NRG3: variants seen among roughly 807,000 people sequenced by gnomAD.
NRG3 encodes the protein neuregulin 3.
NRG3 carries 31 observed loss-of-function variants against 66.9 expected under a neutral mutation model. That is an observed-to-expected ratio of 0.46 (90% CI 0.35 to 0.63). The LOEUF is 0.63. Ranked by LOEUF, NRG3 falls within the 20% of genes least tolerant of loss-of-function variation. NRG3 has a pLI of 0.00. For synonymous variants in NRG3, 393 were observed against 359.4 expected, an observed-to-expected ratio of 1.09 and a Z score of -1.06; for missense variants, 910 against 878.9, an observed-to-expected ratio of 1.04 and a Z score of -0.45.
At chr10:82,222,819 G>A (rs1378068229) in intron 1 of NRG3, among the ~76,000 whole-genome samples, 1 of 152,068 alleles carries the variant, frequency 6.6e-6, no homozygotes, top group East Asian at 1.9e-4. Context: ...GCCCCAATGT[G>A]GATTTCTAGT....
chr10:82,456,137 CTTTTTTTT>C (rs147759240), intron 2 of NRG3, among the ~76,000 whole-genome samples: 1 of 88,812 alleles, frequency 1.1e-5, no homozygotes, highest in African/African-American at 3.8e-5. Flanking sequence ...TTTTCTGTCA[CTTTTTTTT>C]TTTTTTTTTT....
At chr10:82,809,931 T>A (rs1352575667) in intron 3 of NRG3, among the ~76,000 whole-genome samples, 4 of 150,532 alleles carry the variant, frequency 2.7e-5, no homozygotes, top group Non-Finnish European at 5.9e-5. Context: ...ATAATCCAAT[T>A]TCTACACAGG....
At chr10:81,988,508 A>T (rs1393010855) in intron 1 of NRG3, among the ~76,000 whole-genome samples, 1 of 152,198 alleles carries the variant, frequency 6.6e-6, no homozygotes, top group Non-Finnish European at 1.5e-5. Context: ...TGAATCAGGA[A>T]GCTTTGTCCA....
chr10:82,371,896 A>G (rs985749097), intron 2 of NRG3, among the ~76,000 whole-genome samples: 5 of 152,144 alleles, frequency 3.3e-5, no homozygotes, highest in African/African-American at 4.8e-5. Context: ...GGAAGGCATC[A>G]ATCTGTTAAT....
intron 1 of NRG3, among the ~76,000 whole-genome samples, chr10:82,064,089 T>C (rs2064312633): frequency 6.6e-6 from 1 of 152,154 alleles, no homozygotes; most frequent in Non-Finnish European, 1.5e-5. Flanking sequence ...AACAAACTTT[T>C]AAAGATAGGG....
chr10:82,570,727 G>A (rs1464214754), intron 2 of NRG3, among the ~76,000 whole-genome samples: 6 of 151,710 alleles, frequency 4.0e-5, no homozygotes, highest in East Asian at 3.9e-4. Context: ...ATCTTCTCCC[G>A]GAACGTGGTT....
intron 2 of NRG3, among the ~76,000 whole-genome samples, chr10:82,589,666 G>C (rs2046870924): frequency 6.6e-6 from 1 of 152,114 alleles, no homozygotes; most frequent in African/African-American, 2.4e-5. Flanking sequence ...CCCTCCCTTT[G>C]AGGGGAGGTA....
At chr10:82,901,173 G>C (rs1844184439) in intron 4 of NRG3, among the ~76,000 whole-genome samples, 1 of 152,072 alleles carries the variant, frequency 6.6e-6, no homozygotes, top group African/African-American at 2.4e-5. Context: ...GCCTTTGAGT[G>C]TTTTAATATG....
Position 82,985,111 on chromosome 10 carries a change from G to A in NRG3, c.1597G>A (p.Gly533Ser), listed in dbSNP as rs1191414979. 6.2e-7 allele frequency: 1 copy of A among 1,613,546 alleles called. No homozygotes were observed. The highest frequency in any genetic ancestry group is 2.2e-5 in the East Asian group (1 of 44,858). The change falls in exon 9 of 9, where the codon GGT becomes AGT. Residue 533 changes from glycine (G) to serine (S), a missense_variant. Coordinates refer to ENST00000372141, the MANE Select transcript of NRG3 (RefSeq NM_001010848.4). ...TTTCTTTTTCAGGTATTCATCCAGT[G>A]GTTTAAAAACCCAACGAAATACATC... ...TIPCQGYSSSGLKTQRNTSIN... is the reference protein window; with the variant it reads ...TIPCQGYSSSSLKTQRNTSIN...
intron 3 of NRG3, among the ~76,000 whole-genome samples, chr10:82,859,775 G>T (rs2064017277): frequency 6.6e-6 from 1 of 152,182 alleles, no homozygotes; most frequent in South Asian, 2.1e-4. Flanking sequence ...ATAAGTATGT[G>T]AATGCGTATG....
chr10:82,129,022 C>G (rs117311457), intron 1 of NRG3, among the ~76,000 whole-genome samples: 2,528 of 151,984 alleles, frequency 0.017, 49 homozygotes, highest in Non-Finnish European at 0.021. Context: ...AAGCGATTCT[C>G]CTGTCTCAGC....
intron 1 of NRG3, among the ~76,000 whole-genome samples, chr10:82,075,764 C>T (rs574747008): frequency 6.6e-6 from 1 of 151,654 alleles, no homozygotes; most frequent in Admixed American, 6.6e-5. Flanking sequence ...ATTAAAGTGG[C>T]CCTAGTCCAG....
At chr10:82,982,432 T>G (rs917944312) in intron 8 of NRG3, among the ~76,000 whole-genome samples, 4 of 152,162 alleles carry the variant, frequency 2.6e-5, no homozygotes, top group African/African-American at 9.7e-5. Context: ...GGACCGAACT[T>G]GTGGAAGCAT....
At chr10:82,721,947 G>T (rs911481033) in intron 2 of NRG3, among the ~76,000 whole-genome samples, 7 of 108,976 alleles carry the variant, frequency 6.4e-5, no homozygotes, top group Admixed American at 2.0e-4. Context: ...TTTGTTACAA[G>T]AAAAAAAAAA....
At chr10:82,360,870 T>C (rs150202653) in intron 2 of NRG3, among the ~76,000 whole-genome samples, 19,110 of 151,838 alleles carry the variant, frequency 0.13, 2,230 homozygotes, top group African/African-American at 0.3. Context: ...CCTCCTTGAC[T>C]TATAGATGGT....
chr10:82,240,724 A>G (rs1271595433), intron 1 of NRG3, among the ~76,000 whole-genome samples: 1 of 152,190 alleles, frequency 6.6e-6, no homozygotes, highest in East Asian at 1.9e-4. Context: ...GTCAAATGGA[A>G]TGGCATTAGA....
chr10:82,514,037 T>G (rs1845435072), intron 2 of NRG3, among the ~76,000 whole-genome samples: 1 of 152,178 alleles, frequency 6.6e-6, no homozygotes. Flanking sequence ...AATGAGGTTG[T>G]TTGTTTTTTC....
At chr10:82,449,929 C>T (rs1330244812) in intron 2 of NRG3, among the ~76,000 whole-genome samples, 2 of 150,666 alleles carry the variant, frequency 1.3e-5, no homozygotes, top group African/African-American at 2.5e-5. Flanking sequence ...ATACACTCTT[C>T]TCCTCCATAA....
chr10:82,836,260 TA>T (rs944681699), intron 3 of NRG3, among the ~76,000 whole-genome samples: 7 of 151,542 alleles, frequency 4.6e-5, no homozygotes, highest in South Asian at 2.1e-4. Context: ...TGGCCTTTTA[TA>T]AAAAAAAATT....
Sources: allele counts gnomAD v4.1 joint callset (sites outside exome capture counted in the v4.1 genomes callset), GRCh38; gene constraint gnomAD v4.1.1; transcripts MANE v1.5; gene names NCBI Gene and HGNC (gene_info 2026-07-23, HGNC 2026-07-21).